Variants in THRB observed in about 807,000 individuals in gnomAD.
The protein encoded by THRB is thyroid hormone receptor beta, also known as nuclear receptor subfamily 1 group A member 2.
THRB carries 12 observed loss-of-function variants against 47.8 expected under a neutral mutation model. The ratio of observed to expected loss-of-function variants is 0.25; its 90% confidence interval spans 0.16 to 0.41. THRB has a LOEUF of 0.41. THRB is among the 10% of genes least tolerant of loss of function. The probability of loss-of-function intolerance (pLI) is 1.00; values close to 1 mark genes in which losing one functional copy is unlikely to be tolerated. For synonymous variants in THRB, 218 were observed against 212.2 expected, an observed-to-expected ratio of 1.03 and a Z score of -0.24; for missense variants, 348 against 589.2, an observed-to-expected ratio of 0.59 and a Z score of 4.24.
chr3:24,286,054 C>G (rs915045616), intron 3 of THRB, among the ~76,000 whole-genome samples: 11 of 152,062 alleles, frequency 7.2e-5, no homozygotes, highest in African/African-American at 2.7e-4. Context: ...ACATATGCAC[C>G]AAGGAAAGAC....
intron 5 of THRB, among the ~76,000 whole-genome samples, chr3:24,168,974 G>C (rs1225314023): frequency 6.6e-6 from 1 of 152,108 alleles, no homozygotes; most frequent in Non-Finnish European, 1.5e-5. Context: ...GGAGGCCTAA[G>C]ATATGAAATG....
intron 1 of THRB, among the ~76,000 whole-genome samples, chr3:24,452,897 T>G (rs77585802): frequency 0.019 from 2,963 of 152,300 alleles, 124 homozygotes; most frequent in East Asian, 0.18. Context: ...TGCAAATTTC[T>G]CCAGTATATT....
intron 2 of THRB, among the ~76,000 whole-genome samples, chr3:24,302,044 C>G (rs1233678790): frequency 6.6e-6 from 1 of 152,176 alleles, no homozygotes; most frequent in East Asian, 1.9e-4. Flanking sequence ...CTGCAAGGCC[C>G]TAACTTGGTG....
chr3:24,192,020 C>T (rs1166763366), intron 4 of THRB, among the ~76,000 whole-genome samples: 1 of 152,116 alleles, frequency 6.6e-6, no homozygotes, highest in African/African-American at 2.4e-5. Flanking sequence ...TTGTATTAGG[C>T]ACATTATATA....
At chr3:24,449,088 G>A (rs923690778) in intron 1 of THRB, among the ~76,000 whole-genome samples, 6 of 152,338 alleles carry the variant, frequency 3.9e-5, no homozygotes, top group African/African-American at 1.2e-4. Flanking sequence ...TGGCTAGTTA[G>A]AGGGTGATTT....
intron 1 of THRB, among the ~76,000 whole-genome samples, chr3:24,425,531 A>G (rs1483957019): frequency 1.3e-5 from 2 of 151,958 alleles, no homozygotes; most frequent in Non-Finnish European, 2.9e-5. Context: ...TAAATACTCA[A>G]TTGAGTAATA....
chr3:24,148,708 C>T lies in THRB; in HGVS notation c.385-1886G>A, dbSNP rs1302411381. Among the ~76,000 whole-genome samples the T allele has an allele frequency of 3.3e-5, 5 of 152,282 alleles. No homozygotes were observed. In the South Asian group the frequency reaches 6.2e-4, roughly 19 times the overall value. ...AATGTTCTTTGGCTTTGATTATATA[C>T]GTATACCCTATTGCATATTCCTCCT... On this transcript the variant is annotated intron_variant, in intron 6 of 10. Transcript: ENST00000646209.
At chr3:24,147,921 C>T (rs972492603) in intron 6 of THRB, among the ~76,000 whole-genome samples, 1 of 152,034 alleles carries the variant, frequency 6.6e-6, no homozygotes, top group Non-Finnish European at 1.5e-5. Context: ...CAGCAATGAC[C>T]CCCACCTCCC....
At chr3:24,221,567 G>T (rs1319624105) in intron 4 of THRB, among the ~76,000 whole-genome samples, 2 of 152,134 alleles carry the variant, frequency 1.3e-5, no homozygotes, top group Non-Finnish European at 2.9e-5. Context: ...TGTGGTTGGG[G>T]TATGAGAAGA....
At chr3:24,374,258 A>T (rs1051977742) in intron 1 of THRB, among the ~76,000 whole-genome samples, 4 of 152,118 alleles carry the variant, frequency 2.6e-5, no homozygotes, top group African/African-American at 9.7e-5. Flanking sequence ...ATTAAGTACT[A>T]AATATTGTCA....
rs537206799 is a variant in THRB, at chr3:24,204,723, T to G, written c.23-14389A>C. ...CTTCTCTGAGCTAAAGGAGGAAATT[T>G]GAACCCATCACAAAGAAGCTAAAAA... On this transcript the variant is annotated intron_variant, in intron 4 of 10. Transcript: ENST00000646209. 9.0e-4 allele frequency among the ~76,000 whole-genome samples: 137 copies of G among 152,308 alleles called. 1 individual carries two copies. The highest frequency in any genetic ancestry group is 1.5e-3 in the Non-Finnish European group (105 of 68,014).
At chr3:24,124,853 C>A (rs2032430326) in intron 10 of THRB, among the ~76,000 whole-genome samples, 1 of 152,180 alleles carries the variant, frequency 6.6e-6, no homozygotes, top group South Asian at 2.1e-4. Context: ...CTATCATTTG[C>A]CAAATGCACA....
chr3:24,143,407 AT>A (rs2035690143), intron 8 of THRB, 93 bp downstream of exon 8: 4 of 1,245,842 alleles, frequency 3.2e-6, no homozygotes, highest in Non-Finnish European at 4.7e-6. Flanking sequence ...AAATGAGGCA[AT>A]AACACCAGTA....
At chr3:24,299,018 C>T (rs892512195) in intron 2 of THRB, among the ~76,000 whole-genome samples, 3 of 151,788 alleles carry the variant, frequency 2.0e-5, no homozygotes, top group Admixed American at 6.6e-5. Context: ...GAGGCCCAGG[C>T]GGGCGGATCA....
intron 4 of THRB, among the ~76,000 whole-genome samples, chr3:24,206,934 C>T (rs1229164395): frequency 6.6e-6 from 1 of 152,140 alleles, no homozygotes; most frequent in East Asian, 1.9e-4. Context: ...TACACCCTCC[C>T]AAGACTAAAC....
At chr3:24,169,543 T>C (rs1366565426) in intron 5 of THRB, among the ~76,000 whole-genome samples, 1 of 152,026 alleles carries the variant, frequency 6.6e-6, no homozygotes, top group African/African-American at 2.4e-5. Context: ...GTCACAGTTT[T>C]CTTATTTGTA....
At chr3:24,408,983 A>T (rs1314555622) in intron 1 of THRB, among the ~76,000 whole-genome samples, 5 of 151,718 alleles carry the variant, frequency 3.3e-5, no homozygotes, top group African/African-American at 1.2e-4. Flanking sequence ...GTTGAAAAAA[A>T]TTTTTTTGGT....
intron 2 of THRB, among the ~76,000 whole-genome samples, chr3:24,335,348 A>C (rs2062180855): frequency 6.6e-6 from 1 of 152,208 alleles, no homozygotes; most frequent in Non-Finnish European, 1.5e-5. Flanking sequence ...ATTATTGAAC[A>C]AAAAATATTA....
intron 4 of THRB, among the ~76,000 whole-genome samples, chr3:24,203,177 C>T (rs1163715708): frequency 6.6e-6 from 1 of 152,200 alleles, no homozygotes; most frequent in Non-Finnish European, 1.5e-5. Context: ...CTTTGGGAGG[C>T]TGCAGTGGGT....
Sources: gnomAD v4.1 joint callset for allele counts (sites outside exome capture counted in the v4.1 genomes callset) on GRCh38, gnomAD v4.1.1 for gene constraint, MANE v1.5 for transcripts, NCBI Gene and HGNC (gene_info 2026-07-23, HGNC 2026-07-21) for gene names.